CHIT1: variants seen among roughly 807,000 people sequenced by gnomAD.
CHIT1 encodes chitinase 1, also known as chitotriosidase-1.
A neutral mutation model predicts 52.0 loss-of-function variants in CHIT1; 47 were observed. The ratio of observed to expected loss-of-function variants is 0.90; its 90% CI spans 0.71 to 1.15. The LOEUF is 1.15. CHIT1 is among the 50% of genes most tolerant of loss of function. CHIT1 has a pLI of 0.00. For missense variants in CHIT1, 569 were observed against 583.0 expected, an observed-to-expected ratio of 0.98 and a Z score of 0.25; for synonymous variants, 242 against 228.2, an observed-to-expected ratio of 1.06 and a Z score of -0.54.
chr1:203,217,552 C>T (rs1656577722), intron 10 of CHIT1, among the ~76,000 whole-genome samples, 187 bp downstream of exon 10: 2 of 152,198 alleles, frequency 1.3e-5, no homozygotes, highest in African/African-American at 2.4e-5. Flanking sequence ...AAGAGAAAGA[C>T]CGCAAAAAGG....
rs764958343 is a variant in CHIT1, at chr1:203,225,636, T to TC, written c.257+32dup. 5.7e-5 allele frequency: 60 copies of TC among 1,049,296 alleles called. 3 individuals carry two copies. Among genetic ancestry groups the TC allele is most frequent in the East Asian group, 2.1e-4 (7 of 33,664 alleles). 65.0% of individuals were successfully genotyped at this position (1,049,296 alleles called of 1,614,324 possible). On this transcript the variant is annotated intron_variant, in intron 3 of 10. Transcript: ENST00000367229. ...GGAGGTTATCTGTCACCCCACCACA[T>TC]CCCACCCACCCTGCTCCTCTGCTTT...
intron 10 of CHIT1, chr1:203,217,425 G>A: frequency 6.9e-7 from 1 of 1,452,324 alleles, no homozygotes; most frequent in African/African-American, 1.4e-5. Flanking sequence ...CACGCTGCAG[G>A]CTAAGGGGAG....
At chr1:203,220,207 A>G (rs764161711) in intron 7 of CHIT1, among the ~76,000 whole-genome samples, 7 of 152,162 alleles carry the variant, frequency 4.6e-5, no homozygotes, top group Non-Finnish European at 8.8e-5. Context: ...AGCTTATTTA[A>G]CCTCACTGAA....
In CHIT1 at chr1:203,222,226, A is replaced by G; in HGVS notation, c.705T>C (p.Ser235=). The G allele has an allele frequency of 1.2e-6, 2 of 1,613,410 alleles. No individual in the cohort carries two copies. The highest frequency in any genetic ancestry group is 1.7e-4 in the Middle Eastern group (1 of 6,028). ...CCACGTTGAGGCTGGCTGCTGCACC[A>G]CTCTCTTCTTGCCTCTTGTAGAGGG... ...NSPLYKRQEE[S]GAAASLNVDA... The change falls in exon 7 of 11, where the codon AGT becomes AGC. Residue 235 remains serine (S), a synonymous_variant. Coordinates refer to ENST00000367229, the MANE Select transcript of CHIT1 (RefSeq NM_003465.3).
At chr1:203,221,172 A>G (rs2102235143) in intron 7 of CHIT1, among the ~76,000 whole-genome samples, 1 of 152,360 alleles carries the variant, frequency 6.6e-6, no homozygotes, top group South Asian at 2.1e-4. Context: ...TCCAGCTGAC[A>G]TACAGAGATG....
intron 2 of CHIT1, among the ~76,000 whole-genome samples, chr1:203,226,133 A>C (rs1267859091): frequency 6.6e-6 from 1 of 152,176 alleles, no homozygotes; most frequent in Non-Finnish European, 1.5e-5. Context: ...TTTTCCCGGG[A>C]AGCAAGTTGA....
chr1:203,229,710 C>T (rs1232275786), upstream of CHIT1: 1 of 1,578,350 alleles, frequency 6.3e-7, no homozygotes, highest in African/African-American at 1.3e-5. Context: ...ATCTGGCCAC[C>T]CTGTCCCACC....
chr1:203,224,542 G>A (rs1416647663), intron 4 of CHIT1, among the ~76,000 whole-genome samples: 4 of 152,144 alleles, frequency 2.6e-5, no homozygotes, highest in Non-Finnish European at 5.9e-5. Flanking sequence ...AAAACACCAA[G>A]TTTCAAATAC....
intron 7 of CHIT1, among the ~76,000 whole-genome samples, chr1:203,221,205 C>T (rs147274837): frequency 1.3e-5 from 2 of 152,306 alleles, no homozygotes; most frequent in Non-Finnish European, 2.9e-5. Flanking sequence ...AAGTAAAAAG[C>T]ATTTTAATTT....
rs143138885 is a variant in CHIT1 at position 203,225,745 on chromosome 1, T to C, written c.181A>G (p.Met61Val). The C allele has an allele frequency of 3.7e-5, 60 of 1,614,058 alleles. No homozygotes were observed. Among genetic ancestry groups the C allele is most frequent in the Non-Finnish European group, 4.7e-5 (55 of 1,180,030 alleles). ...GTGGTGCTCAGCTGGTGGTTGGTCA[T>C]GCCAGCGAAGGCGTAGATGAGGTGG... The part of the protein sequence containing the change: ...CTHLIYAFAG[M>V]TNHQLSTTEW... Residue 61 changes from methionine to valine, a missense_variant, in exon 3 of 11, where the codon ATG becomes GTG. Physicochemically the swap from Met to Val is conservative, Grantham distance 21. Transcript: ENST00000367229.
chr1:203,218,033 C>G, intron 9 of CHIT1, 168 bp from the exon 10 acceptor site: 1 of 1,532,350 alleles, frequency 6.5e-7, no homozygotes, highest in Non-Finnish European at 8.7e-7. Context: ...GATGCTGAGT[C>G]CTCATGCTGC....
intron 4 of CHIT1, among the ~76,000 whole-genome samples, chr1:203,224,500 G>C (rs890507342): frequency 6.6e-6 from 1 of 152,154 alleles, no homozygotes; most frequent in Non-Finnish European, 1.5e-5. Context: ...ACTGTTTAGA[G>C]CTTTGGGAGC....
Position 203,225,797 on chromosome 1 carries a change from G to A in CHIT1, c.129C>T (p.Pro43=). 6.2e-7 allele frequency: 1 copy of A among 1,614,222 alleles called. No individual in the cohort carries two copies. Among genetic ancestry groups the A allele is most frequent in the East Asian group, 2.2e-5 (1 of 44,874 alleles). Reference sequence around the variant, plus strand: ...TGCAAAGGCTGGGGTCCAAGTCCTTGGGCAGGAAGCGAGCCTCCCCCTGTC... The same window carrying A: ...TGCAAAGGCTGGGGTCCAAGTCCTTAGGCAGGAAGCGAGCCTCCCCCTGTC... ...QYRQGEARFL[P]KDLDPSLCTH... Residue 43 remains proline, a synonymous_variant, in exon 3 of 11, where the codon CCC becomes CCT. Coordinates refer to ENST00000367229, the MANE Select transcript of CHIT1 (RefSeq NM_003465.3).
intron 4 of CHIT1, among the ~76,000 whole-genome samples, chr1:203,223,889 A>G (rs1656833962): frequency 1.3e-5 from 2 of 152,116 alleles, no homozygotes; most frequent in Admixed American, 1.3e-4. Flanking sequence ...CATCGACATC[A>G]CCAGGGGCAC....
At chr1:203,218,131 T>C (rs1283711727) in intron 9 of CHIT1, 1 of 1,440,788 alleles carries the variant, frequency 6.9e-7, no homozygotes, top group Non-Finnish European at 9.2e-7. Flanking sequence ...ATAGTGTCAG[T>C]TGTGTGCACC....
At chr1:203,220,137 T>C (rs1656683744) in intron 7 of CHIT1, among the ~76,000 whole-genome samples, 1 of 152,152 alleles carries the variant, frequency 6.6e-6, no homozygotes, top group African/African-American at 2.4e-5. Context: ...CCAGGCGCTG[T>C]CCATGGTGCT....
intron 9 of CHIT1, chr1:203,218,077 T>C: frequency 6.6e-7 from 1 of 1,513,822 alleles, no homozygotes; most frequent in Non-Finnish European, 8.8e-7. Flanking sequence ...CTCCTTGTCT[T>C]AACGTAAGCA....
intron 7 of CHIT1, 143 bp from the exon 8 acceptor site, chr1:203,219,992 C>T: frequency 2.0e-6 from 2 of 1,015,848 alleles, no homozygotes; most frequent in Non-Finnish European, 1.5e-6. Context: ...TCCAGCCCTA[C>T]CCCATCTTCT....
At chr1:203,222,400 C>T in intron 6 of CHIT1, 75 bp from the exon 7 acceptor site, 2 of 1,606,514 alleles carry the variant, frequency 1.2e-6, no homozygotes, top group Non-Finnish European at 1.7e-6. Flanking sequence ...CACTCCTACC[C>T]CCTCAGTGCA....
Sources: allele counts gnomAD v4.1 joint callset (sites outside exome capture counted in the v4.1 genomes callset), GRCh38; gene constraint gnomAD v4.1.1; transcripts MANE v1.5; gene names NCBI Gene and HGNC (gene_info 2026-07-23, HGNC 2026-07-21).